MPHOSPH9: variants seen among roughly 807,000 people sequenced by gnomAD.
The protein encoded by MPHOSPH9 is M-phase phosphoprotein 9.
In MPHOSPH9, 88 loss-of-function variants were observed where a neutral mutation model predicts 145.5. The ratio of observed to expected loss-of-function variants is 0.60; its 90% CI spans 0.51 to 0.72. The LOEUF (loss-of-function observed/expected upper bound fraction) is 0.72, where lower values mean the gene tolerates loss of function less well. Among genes scored for constraint, MPHOSPH9 ranks in the 30% least tolerant of loss-of-function variants. The probability of loss-of-function intolerance (pLI) is 0.00; values close to 1 mark genes in which losing one functional copy is unlikely to be tolerated. For synonymous variants in MPHOSPH9, 435 were observed against 486.2 expected (o/e 0.89, Z 1.39); for missense variants, 1,238 against 1,386.6 (o/e 0.89, Z 1.70).
intron 11 of MPHOSPH9, among the ~76,000 whole-genome samples, chr12:123,200,263 G>A (rs2046162426): frequency 2.0e-5 from 3 of 151,218 alleles, no homozygotes; most frequent in Admixed American, 2.0e-4. Context: ...CTAAATGACT[G>A]CCACGTATTT....
rs567680812 is a variant in MPHOSPH9 at position 123,154,344 on chromosome 12, G to C, written c.*2463C>G. 1 of 152,050 alleles carries C rather than the reference G, an allele frequency of 6.6e-6. No individual in the cohort carries two copies. Among genetic ancestry groups the C allele is most frequent in the South Asian group, 2.1e-4 (1 of 4,824 alleles). The allele number at this position is 152,050 out of a possible 1,614,324, so 9.4% of individuals were successfully genotyped here. On this transcript the variant is annotated 3_prime_UTR_variant, in exon 24 of 24. Coordinates refer to ENST00000606320, the MANE Select transcript of MPHOSPH9 (RefSeq NM_022782.4). Reference sequence around the variant, plus strand: ...GCCATCTTTCCTGCTTTTAGGTGGAGTGTTTTTTCAGTTGAGTGTTCATAA... The same window carrying C: ...GCCATCTTTCCTGCTTTTAGGTGGACTGTTTTTTCAGTTGAGTGTTCATAA...
chr12:123,194,716 G>A, intron 12 of MPHOSPH9, 115 bp from the exon 13 acceptor site: 2 of 680,632 alleles, frequency 2.9e-6, no homozygotes, highest in South Asian at 2.2e-5. Flanking sequence ...CTGCCTCCCA[G>A]GTTCAAGCAA....
At chr12:123,192,264 G>A (rs893159746) in intron 13 of MPHOSPH9, among the ~76,000 whole-genome samples, 4 of 151,876 alleles carry the variant, frequency 2.6e-5, no homozygotes, top group African/African-American at 4.8e-5. Flanking sequence ...GACCAGCCTG[G>A]GCAACATGGC....
intron 8 of MPHOSPH9, among the ~76,000 whole-genome samples, chr12:123,205,120 G>A (rs1265528350): frequency 2.6e-5 from 4 of 152,144 alleles, no homozygotes; most frequent in Non-Finnish European, 5.9e-5. Flanking sequence ...TGAAAACACT[G>A]AAAGAACACA....
At chr12:123,220,987 G>A (rs898939654) in intron 5 of MPHOSPH9, among the ~76,000 whole-genome samples, 6 of 151,178 alleles carry the variant, frequency 4.0e-5, no homozygotes, top group African/African-American at 1.2e-4. Flanking sequence ...CCCGGGAGGC[G>A]GAGCTTGCAG....
At chr12:123,204,193 A>T (rs1453125871) in intron 8 of MPHOSPH9, among the ~76,000 whole-genome samples, 1 of 151,898 alleles carries the variant, frequency 6.6e-6, no homozygotes, top group Non-Finnish European at 1.5e-5. Context: ...TCCCAGCTAC[A>T]AGGGAAGCTG....
chr12:123,158,780 C>CA (rs1254769839), intron 23 of MPHOSPH9, among the ~76,000 whole-genome samples: 1 of 152,134 alleles, frequency 6.6e-6, no homozygotes, highest in Admixed American at 6.5e-5. Flanking sequence ...GCAGGCACAC[C>CA]ACCACAACCG....
intron 8 of MPHOSPH9, among the ~76,000 whole-genome samples, chr12:123,205,956 T>C (rs894272434): frequency 3.9e-5 from 6 of 152,120 alleles, no homozygotes; most frequent in African/African-American, 1.2e-4. Flanking sequence ...GGACCAATAT[T>C]TAAGAGAACG....
chr12:123,221,529 G>A lies in MPHOSPH9; in HGVS notation c.715C>T (p.Leu239Phe). The change falls in exon 5 of 24, where the codon CTT (leucine) becomes TTT (phenylalanine). Residue 239 changes from leucine to phenylalanine, a missense_variant. Leu to Phe is a conservative substitution (Grantham distance 22). This residue lies in a region of MPHOSPH9 where 837 missense variants were observed against 897.5 expected (regional missense o/e 0.93). Coordinates refer to ENST00000606320, the MANE Select transcript of MPHOSPH9 (RefSeq NM_022782.4). ...YVAPAVPAES[L>F]VDGVKNENFY... ...TTCTCATTTTTCACACCATCTACAA[G>A]TGACTCAGCCGGCACCGCAGGTGCT... 6.2e-7 allele frequency: 1 copy of A among 1,614,164 alleles called. No homozygotes were observed. Among genetic ancestry groups the A allele is most frequent in the South Asian group, 1.1e-5 (1 of 91,086 alleles).
At chr12:123,157,055 TTC>T in intron 23 of MPHOSPH9, 147 bp from the exon 24 acceptor site, 1 of 536,164 alleles carries the variant, frequency 1.9e-6, no homozygotes, top group Admixed American at 3.2e-5. Flanking sequence ...ATCTTATGAT[TTC>T]TTTTAAACTG....
intron 7 of MPHOSPH9, among the ~76,000 whole-genome samples, chr12:123,213,817 A>G (rs764419864): frequency 6.6e-6 from 1 of 152,196 alleles, no homozygotes; most frequent in Non-Finnish European, 1.5e-5. Flanking sequence ...GAGGAGTCAC[A>G]TGATGTGACT....
At chr12:123,219,157 A>C (rs987902822) in intron 5 of MPHOSPH9, among the ~76,000 whole-genome samples, 12 of 152,032 alleles carry the variant, frequency 7.9e-5, no homozygotes, top group Middle Eastern at 3.4e-3. Flanking sequence ...CACCTGTCTC[A>C]GCCTCTCAAA....
At position 123,169,220 on chromosome 12, in the gene MPHOSPH9, G is replaced by A. The variant is rs184849209; in HGVS notation, c.2457-2431C>T. 2.4e-4 allele frequency among the ~76,000 whole-genome samples: 37 copies of A among 151,308 alleles called. No homozygotes were observed. The East Asian group carries it at 7.0e-3, about 29-fold the overall frequency. On this transcript the variant is annotated intron_variant, in intron 16 of 23. Coordinates refer to ENST00000606320, the MANE Select transcript of MPHOSPH9 (RefSeq NM_022782.4). ...AAATTAAGAACTATTTCAGGGCCAG[G>A]CTCAGTGGCTCATGCCTATAATCCT...
chr12:123,200,278 T>G (rs1373495788), intron 11 of MPHOSPH9, among the ~76,000 whole-genome samples: 2 of 152,088 alleles, frequency 1.3e-5, no homozygotes, highest in Admixed American at 6.6e-5. Context: ...GTATTTTGTT[T>G]CTACTGTCCT....
chr12:123,172,103 A>C (rs1374544283), intron 16 of MPHOSPH9, among the ~76,000 whole-genome samples: 1 of 152,174 alleles, frequency 6.6e-6, no homozygotes, highest in Non-Finnish European at 1.5e-5. Context: ...TTGTTGTTCC[A>C]TATTATGTCC....
intron 1 of MPHOSPH9, among the ~76,000 whole-genome samples, chr12:123,241,147 T>TTTG (rs1565992022): frequency 4.7e-5 from 7 of 150,048 alleles, no homozygotes; most frequent in Non-Finnish European, 8.9e-5. Flanking sequence ...GGTTGTTTTT[T>TTTG]TTTTGTTTTT....
At chr12:123,198,220 A>T in intron 12 of MPHOSPH9, 27 bp downstream of exon 12, 1 of 1,523,558 alleles carries the variant, frequency 6.6e-7, no homozygotes, top group Non-Finnish European at 9.1e-7. Context: ...GTCTCACCAG[A>T]ACACCCACCA....
At chr12:123,235,654 G>C (rs1565989150), upstream of MPHOSPH9, among the ~76,000 whole-genome samples, 1 of 151,692 alleles carries the variant, frequency 6.6e-6, no homozygotes. Context: ...TTACAGGCGT[G>C]AGCCACCGCG....
chr12:123,204,407 GC>G (rs2046340988), intron 8 of MPHOSPH9, among the ~76,000 whole-genome samples: 1 of 151,984 alleles, frequency 6.6e-6, no homozygotes, highest in Non-Finnish European at 1.5e-5. Flanking sequence ...AGCACCAAGA[GC>G]TGGAGTTCCT....
Sources: gnomAD v4.1 joint callset for allele counts (sites outside exome capture counted in the v4.1 genomes callset) on GRCh38, gnomAD v4.1.1 for gene constraint, gnomAD v4.1.1 regional missense constraint, MANE v1.5 for transcripts, NCBI Gene and HGNC (gene_info 2026-07-23, HGNC 2026-07-21) for gene names.